The following TAOK3 variants were observed in gnomAD, a reference collection of about 807,000 sequenced individuals.
TAOK3 encodes TAO kinase 3.
Under a neutral mutation model 120.4 loss-of-function variants are expected in TAOK3, and 40 were observed. The observed-to-expected ratio is 0.33, with a 90% CI of 0.26 to 0.43. TAOK3 has a LOEUF of 0.43. Ranked by LOEUF, TAOK3 falls within the 20% of genes least tolerant of loss-of-function variation. The pLI is 1.00. For synonymous variants in TAOK3, 355 were observed against 387.5 expected, an observed-to-expected ratio of 0.92 and a Z score of 0.99; for missense variants, 821 against 1,112.1, an observed-to-expected ratio of 0.74 and a Z score of 3.72.
intron 3 of TAOK3, among the ~76,000 whole-genome samples, chr12:118,251,606 C>T (rs2040754230): frequency 6.6e-6 from 1 of 152,068 alleles, no homozygotes; most frequent in African/African-American, 2.4e-5. Context: ...GAGTTGTAAA[C>T]AAATATTAGA....
intron 2 of TAOK3, among the ~76,000 whole-genome samples, chr12:118,264,451 A>G (rs1186959669): frequency 6.6e-6 from 1 of 152,246 alleles, no homozygotes; most frequent in Admixed American, 6.5e-5. Flanking sequence ...AAAAGAAGTC[A>G]GACAAAAAAT....
At chr12:118,280,504 T>TA (rs1468238298) in intron 1 of TAOK3, among the ~76,000 whole-genome samples, 17 of 152,354 alleles carry the variant, frequency 1.1e-4, no homozygotes, top group Admixed American at 4.6e-4. Flanking sequence ...CAGATGGTTG[T>TA]AGGTGTGCGG....
chr12:118,176,251 T>C (rs1416433917), intron 16 of TAOK3, among the ~76,000 whole-genome samples: 1 of 151,944 alleles, frequency 6.6e-6, no homozygotes, highest in African/African-American at 2.4e-5. Flanking sequence ...AGAAACAGTA[T>C]GTGGAAAGAC....
At chr12:118,334,128 T>G (rs1050158901) in intron 1 of TAOK3, among the ~76,000 whole-genome samples, 1 of 50,336 alleles carries the variant, frequency 2.0e-5, no homozygotes, top group Non-Finnish European at 4.0e-5. Context: ...AGAGCAAAAC[T>G]CCCATCTCCA....
chr12:118,349,833 AT>A (rs1349934233), intron 1 of TAOK3, among the ~76,000 whole-genome samples: 1 of 152,222 alleles, frequency 6.6e-6, no homozygotes, highest in Non-Finnish European at 1.5e-5. Context: ...AATTTGTGGT[AT>A]AAAGGAAAAG....
intron 1 of TAOK3, among the ~76,000 whole-genome samples, chr12:118,292,213 G>C (rs1178809676): frequency 6.6e-6 from 1 of 152,160 alleles, no homozygotes; most frequent in Admixed American, 6.5e-5. Flanking sequence ...ACTTGGGCCT[G>C]TCTTCAATCG....
intron 1 of TAOK3, among the ~76,000 whole-genome samples, chr12:118,366,063 A>T (rs1326191535): frequency 2.0e-5 from 3 of 152,146 alleles, no homozygotes; most frequent in African/African-American, 7.2e-5. Flanking sequence ...CAGGAATTCG[A>T]GACCAGCCTA....
intron 10 of TAOK3, among the ~76,000 whole-genome samples, chr12:118,213,689 A>G (rs2038741033): frequency 6.6e-6 from 1 of 152,052 alleles, no homozygotes; most frequent in African/African-American, 2.4e-5. Context: ...CTGAGAAGTG[A>G]TATCAGCTGA....
chr12:118,228,734 T>C (rs117743056), intron 9 of TAOK3, among the ~76,000 whole-genome samples: 2,594 of 152,332 alleles, frequency 0.017, 68 homozygotes, highest in Admixed American at 0.073. Context: ...CCAGTGTGTA[T>C]GCATACGGAG....
chr12:118,342,935 T>TAAAAA (rs760467619), intron 1 of TAOK3, among the ~76,000 whole-genome samples: 1 of 59,680 alleles, frequency 1.7e-5, no homozygotes, highest in Non-Finnish European at 3.2e-5. Flanking sequence ...CTCTGTCTGC[T>TAAAAA]AAAAAAAAAA....
chr12:118,358,769 GT>G (rs1390656163), intron 1 of TAOK3: 1 of 152,070 alleles, frequency 6.6e-6, no homozygotes, highest in Non-Finnish European at 1.5e-5. Flanking sequence ...GACTTTTGAG[GT>G]TGATTACTCT....
intron 14 of TAOK3, among the ~76,000 whole-genome samples, chr12:118,182,619 ATATAT>A (rs1435023678): frequency 2.2e-4 from 21 of 94,806 alleles, no homozygotes; most frequent in South Asian, 9.9e-4. Flanking sequence ...ATATATATAT[ATATAT>A]TTTTTTTTTT....
rs1313267043 is a variant in TAOK3, at chr12:118,255,648, T to C, written c.-81A>G. On this transcript the variant is annotated 5_prime_UTR_variant, in exon 3 of 21. Coordinates refer to ENST00000392533, the MANE Select transcript of TAOK3 (RefSeq NM_016281.4). ...GACAATTTTTTTTGGGGGGTAAATCTTCAGTACCTGTAGAAAAATAAGGTT... is the reference window on the plus strand; with the variant it reads ...GACAATTTTTTTTGGGGGGTAAATCCTCAGTACCTGTAGAAAAATAAGGTT... 4 of 1,405,448 alleles carry C rather than the reference T, an allele frequency of 2.8e-6. No individual in the cohort carries two copies. In the East Asian group the frequency reaches 9.5e-5, roughly 33 times the overall value. The allele number at this position is 1,405,448 out of a possible 1,614,324, so 87.1% of individuals were successfully genotyped here. A position where few individuals can be genotyped will look rare whatever the true frequency, so the allele number is the denominator to read the frequency against.
intron 1 of TAOK3, among the ~76,000 whole-genome samples, chr12:118,342,034 A>C (rs949303095): frequency 6.6e-6 from 1 of 152,164 alleles, no homozygotes; most frequent in African/African-American, 2.4e-5. Flanking sequence ...AAAAACAAAA[A>C]ACAAACCAAA....
At chr12:118,215,080 T>C (rs561908367) in intron 9 of TAOK3, among the ~76,000 whole-genome samples, 10 of 150,096 alleles carry the variant, frequency 6.7e-5, no homozygotes, top group Admixed American at 6.6e-5. Context: ...GGGGTTTCCT[T>C]ATATTGGCCA....
At chr12:118,207,435 C>T (rs2038385826) in intron 11 of TAOK3, among the ~76,000 whole-genome samples, 1 of 152,024 alleles carries the variant, frequency 6.6e-6, no homozygotes, top group Non-Finnish European at 1.5e-5. Flanking sequence ...CCCTTTCTTT[C>T]TCTCAGAACA....
At chr12:118,256,084 CA>C (rs201439729) in intron 2 of TAOK3, 17,801 of 122,386 alleles carry the variant, frequency 0.15, 1,070 homozygotes, top group Middle Eastern at 0.18. Context: ...AACTCTGTCT[CA>C]AAAAAAAAAA....
At chr12:118,156,795 C>T (rs1467331320) in intron 19 of TAOK3, among the ~76,000 whole-genome samples, 3 of 151,710 alleles carry the variant, frequency 2.0e-5, no homozygotes, top group East Asian at 3.9e-4. Flanking sequence ...AGTGCAGTGG[C>T]GTGATCTCGG....
At chr12:118,330,430 G>A (rs1038523276) in intron 1 of TAOK3, among the ~76,000 whole-genome samples, 2 of 152,110 alleles carry the variant, frequency 1.3e-5, no homozygotes, top group Non-Finnish European at 2.9e-5. Flanking sequence ...GAGCAGCTTT[G>A]TATATTTTTA....
Sources: allele counts gnomAD v4.1 joint callset (sites outside exome capture counted in the v4.1 genomes callset), GRCh38; gene constraint gnomAD v4.1.1; transcripts MANE v1.5; gene names NCBI Gene and HGNC (gene_info 2026-07-23, HGNC 2026-07-21).